Variants in NRG4 observed in about 807,000 individuals in gnomAD.
The protein encoded by NRG4 is pro-neuregulin-4, membrane-bound isoform.
NRG4 carries 10 observed loss-of-function variants against 15.0 expected under a neutral mutation model. The ratio of observed to expected loss-of-function variants is 0.67; its 90% CI spans 0.41 to 1.13. The LOEUF (loss-of-function observed/expected upper bound fraction) is 1.13, where lower values mean the gene tolerates loss of function less well. Among genes scored for constraint, NRG4 ranks in the 50% most tolerant of loss-of-function variants. The pLI, the probability that NRG4 is intolerant of heterozygous loss-of-function variation, is 0.00. For missense variants in NRG4, 139 were observed against 140.2 expected (o/e 0.99, Z 0.04); for synonymous variants, 41 against 50.1 (o/e 0.82, Z 0.77).
At chr15:75,954,726 T>C (rs2032131212) in intron 5 of NRG4, among the ~76,000 whole-genome samples, 1 of 151,974 alleles carries the variant, frequency 6.6e-6, no homozygotes, top group South Asian at 2.1e-4. Flanking sequence ...TGCCCGGCTT[T>C]CAGTTTCTTA....
At chr15:76,030,076 G>A (rs1420341839) in intron 5 of NRG4, among the ~76,000 whole-genome samples, 1 of 152,132 alleles carries the variant, frequency 6.6e-6, no homozygotes, top group African/African-American at 2.4e-5. Context: ...GGCTAACACG[G>A]TGAAACCCCG....
chr15:76,053,017 T>C (rs2036057891), intron 2 of NRG4: 1 of 151,144 alleles, frequency 6.6e-6, no homozygotes, highest in Non-Finnish European at 1.5e-5. Context: ...TTTTCTCCTT[T>C]ATGTGAAAAT....
intron 4 of NRG4, among the ~76,000 whole-genome samples, chr15:76,036,629 CATA>C (rs2035603018): frequency 6.6e-6 from 1 of 152,136 alleles, no homozygotes; most frequent in Admixed American, 6.5e-5. Flanking sequence ...TAGAAGGGGA[CATA>C]ATGATAATGC....
At chr15:75,962,054 C>T (rs544890939) in intron 3 of NRG4, 80 bp from the exon 4 acceptor site, 337 of 1,088,660 alleles carry the variant, frequency 3.1e-4, no homozygotes, top group African/African-American at 1.7e-3. Flanking sequence ...TTCCAGATGA[C>T]GTGAAGAAAA....
intron 3 of NRG4, among the ~76,000 whole-genome samples, chr15:75,970,452 G>C (rs1302315527): frequency 6.6e-6 from 1 of 152,150 alleles, no homozygotes; most frequent in Non-Finnish European, 1.5e-5. Flanking sequence ...TCGAAGACTG[G>C]GGGTGCTACT....
At chr15:75,973,330 C>T (rs2033203476) in intron 3 of NRG4, among the ~76,000 whole-genome samples, 1 of 152,190 alleles carries the variant, frequency 6.6e-6, no homozygotes. Context: ...AATTTGACTT[C>T]CTCTCTTCCT....
At chr15:76,041,763 A>G (rs1200333872) in intron 4 of NRG4, among the ~76,000 whole-genome samples, 1 of 152,154 alleles carries the variant, frequency 6.6e-6, no homozygotes, top group Non-Finnish European at 1.5e-5. Context: ...TAAGCGTTGG[A>G]CAGATCTTCC....
intron 5 of NRG4, among the ~76,000 whole-genome samples, chr15:75,952,546 G>T (rs2031968201): frequency 6.8e-6 from 1 of 147,156 alleles, no homozygotes; most frequent in East Asian, 2.0e-4. Flanking sequence ...TATGTGCTAC[G>T]AACATTCATG....
intron 4 of NRG4, among the ~76,000 whole-genome samples, chr15:76,036,581 T>G (rs956353595): frequency 6.6e-6 from 1 of 152,192 alleles, no homozygotes; most frequent in Non-Finnish European, 1.5e-5. Context: ...AGAAAAATCA[T>G]TGTGTCTACT....
At chr15:76,023,194 C>G (rs2035213858) in intron 5 of NRG4, among the ~76,000 whole-genome samples, 1 of 138,104 alleles carries the variant, frequency 7.2e-6, no homozygotes. Flanking sequence ...AAGCAAGGAC[C>G]AAGGCAATGA....
At chr15:75,944,420 CA>C (rs1292554528) in intron 5 of NRG4, among the ~76,000 whole-genome samples, 1 of 152,084 alleles carries the variant, frequency 6.6e-6, no homozygotes, top group Non-Finnish European at 1.5e-5. Flanking sequence ...TGGTGTCTAA[CA>C]ACAATATAAA....
chr15:75,943,604 TA>T lies in NRG4; in HGVS notation c.*33del. The T allele has an allele frequency of 1.4e-6, 2 of 1,434,388 alleles. No individual in the cohort carries two copies. Among genetic ancestry groups the T allele is most frequent in the Non-Finnish European group, 2.0e-6 (2 of 1,022,046 alleles). 88.9% of individuals were successfully genotyped at this position (1,434,388 alleles called of 1,614,324 possible). On this transcript the variant is annotated 3_prime_UTR_variant, in exon 6 of 6. Transcript: ENST00000394907. ...TGTTTCATTTTCTGCCTTTGTAAAA[TA>T]AAAACAATGATTTGGTTCACTTTGA...
exon 2 of NRG4, chr15:76,057,003 G>A (rs756282805): frequency 6.6e-6 from 1 of 152,212 alleles, no homozygotes; most frequent in Non-Finnish European, 1.5e-5. Context: ...AGCCACGTTA[G>A]AAACGAACAG....
chr15:75,991,195 C>T (rs991628323), intron 3 of NRG4, among the ~76,000 whole-genome samples: 2 of 152,040 alleles, frequency 1.3e-5, no homozygotes, highest in Admixed American at 6.6e-5. Flanking sequence ...TTAGGCTTTG[C>T]GGGCCATACA....
intron 4 of NRG4, chr15:75,959,085 G>A (rs1334852786): frequency 2.2e-5 from 8 of 368,862 alleles, no homozygotes; most frequent in Admixed American, 6.2e-5. Flanking sequence ...GGGCTCAAGC[G>A]ATCTTCCCAT....
chr15:75,981,221 G>A (rs899497166), intron 3 of NRG4, among the ~76,000 whole-genome samples: 1 of 152,126 alleles, frequency 6.6e-6, no homozygotes, highest in Non-Finnish European at 1.5e-5. Context: ...GTCGTCTATT[G>A]GAATACTCCC....
chr15:75,991,849 T>C (rs2034029895), intron 3 of NRG4, among the ~76,000 whole-genome samples: 1 of 152,162 alleles, frequency 6.6e-6, no homozygotes, highest in African/African-American at 2.4e-5. Flanking sequence ...CTGTCTTTAG[T>C]TGGCAAGTTT....
At chr15:76,020,138 TAATC>T (rs2035108078) in intron 5 of NRG4, among the ~76,000 whole-genome samples, 1 of 152,184 alleles carries the variant, frequency 6.6e-6, no homozygotes, top group Non-Finnish European at 1.5e-5. Context: ...ATAGAGAACT[TAATC>T]GATAAATCTG....
At chr15:75,968,728 C>G (rs763883587) in intron 3 of NRG4, among the ~76,000 whole-genome samples, 1 of 151,850 alleles carries the variant, frequency 6.6e-6, no homozygotes, top group Non-Finnish European at 1.5e-5. Context: ...TAGCAAGACC[C>G]CTGTCTCAAA....
Sources: allele counts gnomAD v4.1 joint callset (sites outside exome capture counted in the v4.1 genomes callset), GRCh38; gene constraint gnomAD v4.1.1; transcripts MANE v1.5; gene names NCBI Gene and HGNC (gene_info 2026-07-23, HGNC 2026-07-21).